The following ANO4 variants were observed in gnomAD, a reference collection of about 807,000 sequenced individuals.
ANO4 encodes the protein anoctamin-4.
In ANO4, 69 loss-of-function variants were observed where a neutral mutation model predicts 141.9. That is an observed-to-expected ratio of 0.49 (90% CI 0.40 to 0.59). The LOEUF (loss-of-function observed/expected upper bound fraction) is 0.59. ANO4 is among the 20% of genes least tolerant of loss of function. The pLI, the probability that ANO4 is intolerant of heterozygous loss-of-function variation, is 0.00. For synonymous variants in ANO4, 350 were observed against 394.3 expected, an observed-to-expected ratio of 0.89 and a Z score of 1.33; for missense variants, 894 against 1,162.2, an observed-to-expected ratio of 0.77 and a Z score of 3.36.
intron 15 of ANO4, among the ~76,000 whole-genome samples, chr12:101,080,880 ATATT>A (rs1398332563): frequency 2.1e-5 from 2 of 94,318 alleles, no homozygotes; most frequent in East Asian, 7.1e-4. Context: ...ATATATATAT[ATATT>A]ATATATATAT....
intron 1 of ANO4, among the ~76,000 whole-genome samples, chr12:100,859,598 A>G (rs1405946219): frequency 3.3e-5 from 5 of 152,230 alleles, no homozygotes; most frequent in Admixed American, 1.3e-4. Context: ...ATAGAAGACA[A>G]ACATTTAAAG....
intron 1 of ANO4, among the ~76,000 whole-genome samples, chr12:100,849,719 G>A (rs1156339796): frequency 2.6e-5 from 4 of 151,996 alleles, no homozygotes; most frequent in Non-Finnish European, 1.5e-5. Context: ...GTCATTTTGC[G>A]CATGCACATG....
chr12:100,734,557 TA>T (rs1206392132), intron 2 of ANO4, among the ~76,000 whole-genome samples: 1 of 152,232 alleles, frequency 6.6e-6, no homozygotes. Flanking sequence ...ACTCCCTGCA[TA>T]CATTATTTTA....
chr12:100,885,355 T>C (rs1324274855), intron 1 of ANO4: 1 of 152,274 alleles, frequency 6.6e-6, no homozygotes, highest in Non-Finnish European at 1.5e-5. Context: ...CATCTTCTTA[T>C]GTTTCAGCTT....
intron 17 of ANO4, among the ~76,000 whole-genome samples, chr12:101,090,598 G>A (rs1273116171): frequency 6.6e-6 from 1 of 152,112 alleles, no homozygotes; most frequent in African/African-American, 2.4e-5. Flanking sequence ...GGGCCTGCCG[G>A]GGGTGTGGGT....
chr12:100,868,222 C>G (rs566999602), intron 1 of ANO4, among the ~76,000 whole-genome samples: 2 of 152,298 alleles, frequency 1.3e-5, no homozygotes, highest in South Asian at 2.1e-4. Context: ...TCACAGCATG[C>G]ACCTGAGGCA....
chr12:100,897,647 G>T (rs1009432080), intron 1 of ANO4, among the ~76,000 whole-genome samples: 1 of 152,232 alleles, frequency 6.6e-6, no homozygotes, highest in Non-Finnish European at 1.5e-5. Flanking sequence ...ACTGGCAGAT[G>T]AATGAGAGTT....
intron 4 of ANO4, 36 bp from the exon 5 acceptor site, chr12:100,942,341 A>C: frequency 1.3e-6 from 2 of 1,585,746 alleles, no homozygotes; most frequent in Non-Finnish European, 1.7e-6. Context: ...CAATTTGATG[A>C]ATGACTTAAA....
intron 8 of ANO4, among the ~76,000 whole-genome samples, chr12:100,999,805 G>T (rs2045555628): frequency 6.6e-6 from 1 of 151,928 alleles, no homozygotes. Flanking sequence ...AGCAATTTGG[G>T]AGGCCAATGC....
In ANO4 at chr12:100,965,006, G is replaced by A. The variant is rs545371651; in HGVS notation, c.457-6300G>A. Among the ~76,000 whole-genome samples, 28 of 152,264 alleles carry A rather than the reference G, an allele frequency of 1.8e-4. No individual in the cohort carries two copies. In the East Asian group the frequency reaches 4.6e-3, roughly 25 times the overall value. On this transcript the variant is annotated intron_variant, in intron 5 of 27. Coordinates refer to ENST00000392977, the MANE Select transcript of ANO4 (RefSeq NM_001286615.2). ...AGCTGTATTCCCAGCACCTAGGACA[G>A]GCCCTGGAACATCACAGGCCATCAG...
chr12:100,841,382 G>A (rs1245608938), intron 1 of ANO4, among the ~76,000 whole-genome samples: 1 of 152,138 alleles, frequency 6.6e-6, no homozygotes. Flanking sequence ...TGGTACGGTG[G>A]ATAAGGTAGT....
intron 8 of ANO4, among the ~76,000 whole-genome samples, chr12:101,018,906 A>C (rs907722925): frequency 4.6e-5 from 7 of 152,222 alleles, no homozygotes; most frequent in Non-Finnish European, 8.8e-5. Flanking sequence ...TTACCACTGT[A>C]TAATTTGTAC....
intron 14 of ANO4, among the ~76,000 whole-genome samples, chr12:101,061,428 G>C (rs2048340304): frequency 6.6e-6 from 1 of 151,988 alleles, no homozygotes; most frequent in Non-Finnish European, 1.5e-5. Flanking sequence ...ATGTTGGCCT[G>C]TCTTTGTAGG....
chr12:100,818,078 A>G (rs549209484), intron 1 of ANO4, among the ~76,000 whole-genome samples: 1 of 151,904 alleles, frequency 6.6e-6, no homozygotes, highest in Admixed American at 6.6e-5. Context: ...TCAGCCTTAT[A>G]AAGTGTTTCC....
chr12:100,848,426 A>T (rs1027994083), intron 1 of ANO4, among the ~76,000 whole-genome samples: 10 of 152,144 alleles, frequency 6.6e-5, no homozygotes, highest in Non-Finnish European at 8.8e-5. Flanking sequence ...GCAAACTTTT[A>T]AAAAAAGTGC....
chr12:101,090,519 G>A (rs533044002), intron 17 of ANO4, among the ~76,000 whole-genome samples: 3 of 152,270 alleles, frequency 2.0e-5, no homozygotes, highest in South Asian at 2.1e-4. Flanking sequence ...AACACCGCAT[G>A]TTCTCACTCA....
chr12:100,929,182 C>T (rs12370400), intron 3 of ANO4, among the ~76,000 whole-genome samples: 25,686 of 151,640 alleles, frequency 0.17, 2,732 homozygotes, highest in Middle Eastern at 0.34. Flanking sequence ...CTCTAGTTAC[C>T]CTGTTGTGCT....
At chr12:100,787,226 A>G (rs1479932871) in intron 3 of ANO4, among the ~76,000 whole-genome samples, 7 of 123,356 alleles carry the variant, frequency 5.7e-5, no homozygotes, top group African/African-American at 1.9e-4. Context: ...ATGCAGATGG[A>G]CTGTCAAGGA....
intron 3 of ANO4, among the ~76,000 whole-genome samples, chr12:100,770,806 T>C (rs921114023): frequency 3.4e-5 from 5 of 146,374 alleles, no homozygotes; most frequent in South Asian, 2.3e-4. Flanking sequence ...TTTTTTGCAT[T>C]ACTTATCTGT....
Sources: gnomAD v4.1 joint callset for allele counts (sites outside exome capture counted in the v4.1 genomes callset) on GRCh38, gnomAD v4.1.1 for gene constraint, MANE v1.5 for transcripts, NCBI Gene and HGNC (gene_info 2026-07-23, HGNC 2026-07-21) for gene names.